DST: variants seen among roughly 807,000 people sequenced by gnomAD.
DST encodes bullous pemphigoid antigen.
In DST, 253 loss-of-function variants were observed where a neutral mutation model predicts 875.2. The ratio of observed to expected loss-of-function variants is 0.29; its 90% CI spans 0.26 to 0.32. The LOEUF is 0.32. Among genes scored for constraint, DST ranks in the 10% least tolerant of loss-of-function variants. DST has a pLI of 1.00. For synonymous variants in DST, 3,124 were observed against 3,197.1 expected (o/e 0.98, Z 0.77); for missense variants, 8,287 against 9,111.6 (o/e 0.91, Z 3.68).
intron 2 of DST, among the ~76,000 whole-genome samples, chr6:56,904,444 T>C (rs1002726077): frequency 2.0e-5 from 3 of 152,216 alleles, no homozygotes; most frequent in African/African-American, 7.2e-5. Flanking sequence ...GTCTCTCTTG[T>C]AGAGTAATGG....
chr6:56,613,386 A>C (rs1228633699), intron 37 of DST, among the ~76,000 whole-genome samples: 1 of 152,166 alleles, frequency 6.6e-6, no homozygotes, highest in African/African-American at 2.4e-5. Flanking sequence ...CAAATAAGGA[A>C]CACTTGCCTC....
chr6:56,884,252 T>C (rs558188152), intron 3 of DST, among the ~76,000 whole-genome samples: 2 of 152,342 alleles, frequency 1.3e-5, no homozygotes, highest in African/African-American at 2.4e-5. Context: ...GTCTCTTTTC[T>C]TGTATAGACT....
At chr6:56,732,622 A>G (rs1277665014) in intron 5 of DST, among the ~76,000 whole-genome samples, 2 of 152,210 alleles carry the variant, frequency 1.3e-5, no homozygotes, top group African/African-American at 4.8e-5. Flanking sequence ...AAGCTCCACA[A>G]TGTTTACTTT....
At chr6:56,476,824 C>T (rs974665516) in intron 91 of DST, among the ~76,000 whole-genome samples, 16 of 152,058 alleles carry the variant, frequency 1.1e-4, no homozygotes, top group African/African-American at 2.2e-4. Context: ...TGGTGGCACG[C>T]GCCTGTAATC....
chr6:56,624,640 G>GA lies in DST; in HGVS notation c.4831-13dup, dbSNP rs1563271067. The stretch of plus-strand genomic sequence containing the variant: ...CTTAGGTCCATGAACTGCAAGTAAG[G>GA]AAAAAAATAATAAAAGCATTACCTC... On this transcript the variant is annotated splice_polypyrimidine_tract_variant and intron_variant, in intron 35 of 103. Transcript: ENST00000680361. 1.9e-6 allele frequency: 3 copies of GA among 1,556,088 alleles called. No individual in the cohort carries two copies. The highest frequency in any genetic ancestry group is 2.7e-6 in the Non-Finnish European group (3 of 1,128,210).
intron 9 of DST, chr6:56,693,063 G>A: frequency 7.8e-7 from 1 of 1,289,728 alleles, no homozygotes; most frequent in Non-Finnish European, 1.0e-6. Flanking sequence ...TTCCAGGAGA[G>A]TATTTTTCAG....
At chr6:56,474,066 A>T in intron 92 of DST, 64 bp from the exon 93 acceptor site, 2 of 1,353,782 alleles carry the variant, frequency 1.5e-6, no homozygotes, top group South Asian at 1.3e-5. Flanking sequence ...TTTAGAAATG[A>T]ACTAAAAGCA....
At chr6:56,512,872 C>G (rs1050360337) in intron 72 of DST, among the ~76,000 whole-genome samples, 11 of 152,148 alleles carry the variant, frequency 7.2e-5, no homozygotes, top group African/African-American at 2.7e-4. Flanking sequence ...GCATGCTGCA[C>G]ATAAGAATGT....
At chr6:56,571,000 C>A (rs1198590580) in intron 53 of DST, among the ~76,000 whole-genome samples, 2 of 152,172 alleles carry the variant, frequency 1.3e-5, no homozygotes, top group African/African-American at 4.8e-5. Flanking sequence ...TGCAGGTAGT[C>A]CAGATTCAAG....
At position 56,597,880 on chromosome 6, in the gene DST, C is replaced by T. The variant is rs540399392; in HGVS notation, c.12055G>A (p.Gly4019Arg). The change falls in exon 47 of 104, where the codon GGG (glycine) becomes AGG (arginine). Residue 4019 changes from glycine to arginine, a missense_variant. Gly to Arg is a moderately radical substitution (Grantham distance 125, BLOSUM62 -2). This residue lies in a region of DST where 1,513 missense variants were observed against 1,677.8 expected (regional missense o/e 0.90). Transcript: ENST00000680361. ...TKHKQVIEQN[G>R]THFQEGDGKS... ...CCATCACCTTCTTGAAAATGGGTCC[C>T]GTTCTGTTCGATTACCTGTTTGTGT... The T allele has an allele frequency of 3.8e-5, 61 of 1,613,788 alleles. No homozygotes were observed. The highest frequency in any genetic ancestry group is 4.7e-5 in the Non-Finnish European group (55 of 1,179,800).
intron 2 of DST, among the ~76,000 whole-genome samples, chr6:56,920,384 A>G (rs1803458120): frequency 6.6e-6 from 1 of 152,216 alleles, no homozygotes; most frequent in Admixed American, 6.5e-5. Flanking sequence ...CCAATCGGCC[A>G]TAACTTAGCC....
intron 10 of DST, among the ~76,000 whole-genome samples, chr6:56,659,079 G>C (rs796811581): frequency 6.6e-6 from 1 of 152,174 alleles, no homozygotes; most frequent in African/African-American, 2.4e-5. Flanking sequence ...GATTAGAAGA[G>C]ATTAAATGAT....
chr6:56,509,836 T>G lies in DST; in HGVS notation c.18818A>C (p.Glu6273Ala), dbSNP rs1175716740. ...CTGCCTCAGACGTTCCACGATGCGT[T>G]CCAGGCTCTCAAGGATCTGATCTAT... Reference protein sequence around the residue: ...DKIDQILESLERIVERLRQPP... With the variant: ...DKIDQILESLARIVERLRQPP... The change falls in exon 74 of 104, where the codon GAA becomes GCA. Residue 6273 changes from glutamate (E) to alanine (A), a missense_variant. Glu to Ala is a moderately radical substitution (Grantham distance 107). Around this residue, in one of 10 missense-constraint regions of DST, gnomAD observed 1,292 missense variants for 1,552.7 expected, o/e 0.83. Transcript: ENST00000680361. 6.2e-7 allele frequency: 1 copy of G among 1,613,348 alleles called. No homozygotes were observed. The highest frequency in any genetic ancestry group is 8.5e-7 in the Non-Finnish European group (1 of 1,179,624).
In DST at chr6:56,648,566, T is replaced by A; in HGVS notation, c.1554+4A>T. The stretch of plus-strand genomic sequence containing the variant: ...TCCTATGTAATTTCTACAGTGACAC[T>A]AACCTTCAGTTCTACAGGATTATTA... On this transcript the variant is annotated splice_donor_region_variant and intron_variant, in intron 13 of 103. Transcript: ENST00000680361. 6.4e-7 allele frequency: 1 copy of A among 1,567,412 alleles called. No homozygotes were observed. The highest frequency in any genetic ancestry group is 8.7e-7 in the Non-Finnish European group (1 of 1,153,538).
chr6:56,573,731 C>G lies in DST; in HGVS notation c.13184G>C (p.Gly4395Ala), dbSNP rs778792290. The part of the protein sequence containing the change: ...GNVESSLKEQ[G>A]QVPLNSTALQ... ...AGCAGTAGAGTTTAAAGGCACTTGA[C>G]CTTGTTCTTTCAGAGAACTTTCCAC... The change falls in exon 51 of 104, where the codon GGT becomes GCT. Residue 4395 changes from glycine to alanine, a missense_variant. Gly to Ala is a moderately conservative substitution (Grantham distance 60, BLOSUM62 0). This residue lies in a region of DST where 1,513 missense variants were observed against 1,677.8 expected (regional missense o/e 0.90). Coordinates refer to ENST00000680361, the MANE Select transcript of DST (RefSeq NM_001374736.1). The G allele has an allele frequency of 3.7e-5, 60 of 1,613,496 alleles. No individual in the cohort carries two copies. The highest frequency in any genetic ancestry group is 4.6e-5 in the Non-Finnish European group (54 of 1,179,692).
rs1360676541 is a variant in DST at position 56,605,930 on chromosome 6, T to G, written c.8698A>C (p.Thr2900Pro). The G allele has an allele frequency of 2.5e-6, 4 of 1,612,748 alleles. No individual in the cohort carries two copies. The highest frequency in any genetic ancestry group is 1.3e-5 in the African/African-American group (1 of 74,872). ...TCTTTGCTTTTTCCAGCAATCTCAGTTGTATATTCTGGAAGGTTGCTTTTT... is the reference window on the plus strand; with the variant it reads ...TCTTTGCTTTTTCCAGCAATCTCAGGTGTATATTCTGGAAGGTTGCTTTTT... ...TEKSNLPEYTTEIAGKSKENL... is the reference protein window; with the variant it reads ...TEKSNLPEYTPEIAGKSKENL... Residue 2900 changes from threonine to proline, a missense_variant, in exon 40 of 104, where the codon ACT becomes CCT. Transcript: ENST00000680361.
chr6:56,711,982 T>A, intron 5 of DST, among the ~76,000 whole-genome samples: 1 of 148,908 alleles, frequency 6.7e-6, no homozygotes, highest in Non-Finnish European at 1.5e-5. Context: ...TCCCAGCTAC[T>A]CGGGAGGCTG....
chr6:56,546,848 G>A (rs1311276765), intron 61 of DST, among the ~76,000 whole-genome samples: 2 of 152,112 alleles, frequency 1.3e-5, no homozygotes, highest in African/African-American at 4.8e-5. Flanking sequence ...TTTGATCAAA[G>A]GTGGGCCTAT....
chr6:56,830,000 A>G (rs925974061), intron 4 of DST, among the ~76,000 whole-genome samples: 1 of 152,122 alleles, frequency 6.6e-6, no homozygotes, highest in African/African-American at 2.4e-5. Flanking sequence ...TCTTAATTGG[A>G]TATATAACTC....
Sources: allele counts gnomAD v4.1 joint callset (sites outside exome capture counted in the v4.1 genomes callset), GRCh38; gene constraint gnomAD v4.1.1; regional missense constraint gnomAD v4.1.1; transcripts MANE v1.5; gene names NCBI Gene and HGNC (gene_info 2026-07-23, HGNC 2026-07-21).